DGKG: variants seen among roughly 807,000 people sequenced by gnomAD.
DGKG encodes DAG kinase gamma.
DGKG carries 78 observed loss-of-function variants against 105.3 expected under a neutral mutation model. That is an observed-to-expected ratio of 0.74 (90% CI 0.62 to 0.89). The LOEUF is 0.89. Ranked by LOEUF, DGKG falls within the 40% of genes least tolerant of loss-of-function variation. DGKG has a pLI of 0.00. For synonymous variants in DGKG, 346 were observed against 367.1 expected, an observed-to-expected ratio of 0.94 and a Z score of 0.66; for missense variants, 958 against 1,020.1, an observed-to-expected ratio of 0.94 and a Z score of 0.83.
At chr3:186,220,010 T>C (rs1336852132) in intron 20 of DGKG, among the ~76,000 whole-genome samples, 1 of 152,218 alleles carries the variant, frequency 6.6e-6, no homozygotes, top group Non-Finnish European at 1.5e-5. Flanking sequence ...TATGTCTTAA[T>C]GTAAAATAGT....
intron 11 of DGKG, 123 bp downstream of exon 11, chr3:186,272,132 T>C: frequency 2.8e-6 from 2 of 721,616 alleles, no homozygotes; most frequent in Non-Finnish European, 4.9e-6. Context: ...TTACAGGTGG[T>C]CCTCAAGGCA....
At position 186,210,790 on chromosome 3, in the gene DGKG, C is replaced by A. The variant is rs1305891327; in HGVS notation, c.1917+1005G>T. The A allele has an allele frequency of 3.0e-6, 1 of 338,328 alleles. No individual in the cohort carries two copies. Among genetic ancestry groups the A allele is most frequent in the Non-Finnish European group, 5.8e-6 (1 of 171,058 alleles). The allele number at this position is 338,328 out of a possible 1,614,324, so 21.0% of individuals were successfully genotyped here. A position where few individuals can be genotyped will look rare whatever the true frequency, so the allele number is the denominator to read the frequency against. ...AGCCCACCCTGGCTGAACTCTCTGGCTGCCTCTTCCACTTATTTTCCTCAA... is the reference window on the plus strand; with the variant it reads ...AGCCCACCCTGGCTGAACTCTCTGGATGCCTCTTCCACTTATTTTCCTCAA... On this transcript the variant is annotated intron_variant, in intron 21 of 24. Coordinates refer to ENST00000265022, the MANE Select transcript of DGKG (RefSeq NM_001346.3). This position sits in a 1 kb window ranked among gnomAD's most constrained non-coding sequence, Gnocchi z 5.2.
At chr3:186,282,576 C>T (rs1448877442) in intron 7 of DGKG, among the ~76,000 whole-genome samples, 1 of 151,726 alleles carries the variant, frequency 6.6e-6, no homozygotes, top group African/African-American at 2.4e-5. Flanking sequence ...GCAGTGGCGC[C>T]ATCTCGGCTC....
At chr3:186,347,666 A>G (rs904495216) in intron 1 of DGKG, among the ~76,000 whole-genome samples, 1 of 151,650 alleles carries the variant, frequency 6.6e-6, no homozygotes, top group Non-Finnish European at 1.5e-5. Flanking sequence ...TCACTGCAAC[A>G]TCTGCCTCCT....
intron 21 of DGKG, among the ~76,000 whole-genome samples, chr3:186,193,129 C>T (rs1389506805): frequency 6.6e-6 from 1 of 152,150 alleles, no homozygotes; most frequent in Non-Finnish European, 1.5e-5. Context: ...TGGGAGAAGC[C>T]TGGGGTCTGC....
chr3:186,328,871 G>T (rs924848355), intron 1 of DGKG, among the ~76,000 whole-genome samples: 2 of 152,128 alleles, frequency 1.3e-5, no homozygotes, highest in Non-Finnish European at 2.9e-5. Context: ...GAGCCACTGC[G>T]CCCGGCCTTA....
intron 20 of DGKG, among the ~76,000 whole-genome samples, chr3:186,220,363 C>T (rs1306746061): frequency 2.0e-5 from 3 of 152,158 alleles, no homozygotes; most frequent in Admixed American, 6.5e-5. Flanking sequence ...GCCATGGCAG[C>T]CTTCTCACGG....
At chr3:186,238,292 T>A (rs865987688) in intron 20 of DGKG, among the ~76,000 whole-genome samples, 110 of 81,202 alleles carry the variant, frequency 1.4e-3, no homozygotes, top group African/African-American at 3.3e-3. Flanking sequence ...TGACTCTTTC[T>A]AAAAAAAAAA....
At chr3:186,181,493 G>A (rs904885074) in intron 22 of DGKG, among the ~76,000 whole-genome samples, 1 of 152,188 alleles carries the variant, frequency 6.6e-6, no homozygotes, top group African/African-American at 2.4e-5. Context: ...AGCACTTTTG[G>A]AGGCCGAGGT....
Position 186,166,884 on chromosome 3 carries a change from C to A in DGKG, c.2096-1866G>T, listed in dbSNP as rs1560077935. Among the ~76,000 whole-genome samples, 2 of 152,122 alleles carry A rather than the reference C, an allele frequency of 1.3e-5. 1 individual carries two copies. Among genetic ancestry groups the A allele is most frequent in the Non-Finnish European group, 2.9e-5 (2 of 68,028 alleles). On this transcript the variant is annotated intron_variant, in intron 22 of 24. Coordinates refer to ENST00000265022, the MANE Select transcript of DGKG (RefSeq NM_001346.3). ...GGTGTCTGATGGTGCTGTGATAGTC[C>A]AATGTTTTCCCTCCTTAAAACATTC...
chr3:186,353,704 A>G (rs760940584), intron 1 of DGKG, among the ~76,000 whole-genome samples: 3 of 113,904 alleles, frequency 2.6e-5, no homozygotes, highest in Non-Finnish European at 5.6e-5. Context: ...CTATATCTAT[A>G]TAACAGTGGA....
intron 1 of DGKG, among the ~76,000 whole-genome samples, chr3:186,353,585 A>T (rs973490563): frequency 6.3e-5 from 9 of 141,746 alleles, no homozygotes; most frequent in African/African-American, 2.4e-4. Context: ...ATATATATAT[A>T]TATATACACA....
chr3:186,338,734 C>T (rs922203245), intron 1 of DGKG, among the ~76,000 whole-genome samples: 1 of 152,122 alleles, frequency 6.6e-6, no homozygotes, highest in Non-Finnish European at 1.5e-5. Flanking sequence ...TTTCTACTAT[C>T]TAGGTCTGCT....
At chr3:186,328,603 T>C (rs1725458528) in intron 1 of DGKG, among the ~76,000 whole-genome samples, 1 of 148,514 alleles carries the variant, frequency 6.7e-6, no homozygotes. Context: ...TGAGATGGAG[T>C]TTTGCTCTGC....
chr3:186,230,744 G>T (rs1272665410), intron 20 of DGKG, among the ~76,000 whole-genome samples: 4 of 152,164 alleles, frequency 2.6e-5, no homozygotes, highest in Non-Finnish European at 4.4e-5. Context: ...CAACTGGGAA[G>T]TGAGGAGCAC....
intron 1 of DGKG, among the ~76,000 whole-genome samples, chr3:186,325,693 A>AT (rs1725303678): frequency 6.6e-6 from 1 of 151,492 alleles, no homozygotes; most frequent in Non-Finnish European, 1.5e-5. Context: ...ATAAATAAAG[A>AT]TAAATTATAA....
chr3:186,160,843 G>T, intron 24 of DGKG: 1 of 985,432 alleles, frequency 1.0e-6, no homozygotes, highest in South Asian at 4.7e-5. Context: ...AAGAAGGAAG[G>T]ATGCATGGCT....
At chr3:186,351,775 A>G (rs1252818803) in intron 1 of DGKG, among the ~76,000 whole-genome samples, 1 of 152,252 alleles carries the variant, frequency 6.6e-6, no homozygotes, top group Non-Finnish European at 1.5e-5. Context: ...AAAAACAGGG[A>G]CAACACGCAA....
chr3:186,342,475 C>G (rs998028997), intron 1 of DGKG, among the ~76,000 whole-genome samples: 1 of 152,206 alleles, frequency 6.6e-6, no homozygotes, highest in African/African-American at 2.4e-5. Flanking sequence ...GCGCATCAGA[C>G]AAGTCTCTTC....
Sources: gnomAD v4.1 joint callset for allele counts (sites outside exome capture counted in the v4.1 genomes callset) on GRCh38, gnomAD v4.1.1 for gene constraint, Gnocchi (gnomAD v3.1) non-coding constraint, MANE v1.5 for transcripts, NCBI Gene and HGNC (gene_info 2026-07-23, HGNC 2026-07-21) for gene names.